Variants in DDX51 observed in about 807,000 individuals in gnomAD.
DDX51 encodes the protein DEAD-box helicase 51.
Under a neutral mutation model 74.6 loss-of-function variants are expected in DDX51, and 67 were observed. The observed-to-expected ratio is 0.90, with a 90% CI of 0.74 to 1.10. DDX51 has a LOEUF of 1.10. Among genes scored for constraint, DDX51 ranks in the 50% least tolerant of loss-of-function variants. DDX51 has a pLI of 0.00. For missense variants in DDX51, 1,056 were observed against 905.2 expected (o/e 1.17, Z -2.14); for synonymous variants, 545 against 402.9 (o/e 1.35, Z -4.22).
rs75801759 is a variant in DDX51, at chr12:132,141,611, A to G, written c.996-5T>C. ...AAGCAGCGGTACCCATCAGCTCTACAGACCAGAGAGCAGCTCGAGAGAAGG... is the reference window on the plus strand; with the variant it reads ...AAGCAGCGGTACCCATCAGCTCTACGGACCAGAGAGCAGCTCGAGAGAAGG... On this transcript the variant is annotated splice_region_variant and splice_polypyrimidine_tract_variant and intron_variant, in intron 6 of 14. Coordinates refer to ENST00000397333, the MANE Select transcript of DDX51 (RefSeq NM_175066.4). 2,149 of 1,571,932 alleles carry G rather than the reference A, an allele frequency of 1.4e-3. 23 individuals carry two copies. The African/African-American group carries it at 0.025, about 18-fold the overall frequency.
Position 132,136,731 on chromosome 12 carries a change from T to C in DDX51, c.*2541A>G, listed in dbSNP as rs1593416223. 6.6e-6 allele frequency: 1 copy of C among 152,156 alleles called. No individual in the cohort carries two copies. The highest frequency in any genetic ancestry group is 2.1e-4 in the South Asian group (1 of 4,822). The allele number at this position is 152,156 out of a possible 1,614,324, so 9.4% of individuals were successfully genotyped here. Reference sequence around the variant, plus strand: ...GCCAGGCTGCAGTGCAGTGGGCTGATCTTGGCCCACTGCAACCTCCACCTC... The same window carrying C: ...GCCAGGCTGCAGTGCAGTGGGCTGACCTTGGCCCACTGCAACCTCCACCTC... On this transcript the variant is annotated 3_prime_UTR_variant, in exon 15 of 15. Coordinates refer to ENST00000397333, the MANE Select transcript of DDX51 (RefSeq NM_175066.4).
At position 132,141,492 on chromosome 12, in the gene DDX51, A is replaced by G. The variant is rs780481452; in HGVS notation, c.1104+6T>C. 1 of 1,586,704 alleles carries G rather than the reference A, an allele frequency of 6.3e-7. No individual in the cohort carries two copies. The highest frequency in any genetic ancestry group is 1.3e-5 in the African/African-American group (1 of 74,608). On this transcript the variant is annotated splice_donor_region_variant and intron_variant, in intron 7 of 14. Transcript: ENST00000397333. ...CAAAGCCCAGGCCCCTGGGGCGGGG[A>G]CCTACCAGGAAGCGGAGCTGCTGGA...
Position 132,137,573 on chromosome 12 carries a change from A to C in DDX51, c.*1699T>G, listed in dbSNP as rs1897298748. On this transcript the variant is annotated 3_prime_UTR_variant, in exon 15 of 15. Transcript: ENST00000397333. Reference sequence around the variant, plus strand: ...CATCTCTAATCAGCTGCCAGTCCCCATCCCAGACATTCTTTGCATCTAAGC... The same window carrying C: ...CATCTCTAATCAGCTGCCAGTCCCCCTCCCAGACATTCTTTGCATCTAAGC... 1 of 152,194 alleles carries C rather than the reference A, an allele frequency of 6.6e-6. No homozygotes were observed. 9.4% of individuals were successfully genotyped at this position (152,194 alleles called of 1,614,324 possible).
chr12:132,143,522 C>G (rs1314688341), intron 2 of DDX51, 173 bp downstream of exon 2: 1 of 838,030 alleles, frequency 1.2e-6, no homozygotes, highest in East Asian at 3.0e-5. Context: ...AACGGGAGCT[C>G]TGCACGTGCA....
At chr12:132,141,193 A>T in intron 8 of DDX51, 82 bp downstream of exon 8, 2 of 1,513,476 alleles carry the variant, frequency 1.3e-6, no homozygotes, top group South Asian at 2.6e-5. Flanking sequence ...AGCCACCCTT[A>T]TCTCTGGGCA....
chr12:132,139,758 G>A lies in DDX51; in HGVS notation c.1851C>T (p.Phe617=), dbSNP rs1287390349. The A allele has an allele frequency of 1.2e-6, 2 of 1,613,218 alleles. No homozygotes were observed. Among genetic ancestry groups the A allele is most frequent in the Admixed American group, 1.7e-5 (1 of 60,034 alleles). The change falls in exon 14 of 15, where the codon TTC becomes TTT. Residue 617 remains phenylalanine (F), a synonymous_variant. Coordinates refer to ENST00000397333, the MANE Select transcript of DDX51 (RefSeq NM_175066.4). ...TLLLKVQERR[F]LRMLTEAGAP... is the part of the protein sequence containing the mutation. ...CCCCAGCTTCAGTTAGCATTCGGAG[G>A]AATCTCCTCTCCTGGAGAGAAGCTC...
intron 14 of DDX51, 163 bp from the exon 15 acceptor site, chr12:132,139,461 C>A: frequency 6.6e-7 from 1 of 1,524,486 alleles, no homozygotes; most frequent in Admixed American, 1.7e-5. Context: ...GTGTTTCCAC[C>A]ACTGGTGCCC....
At chr12:132,143,611 A>C in intron 2 of DDX51, 84 bp downstream of exon 2, 1 of 1,496,410 alleles carries the variant, frequency 6.7e-7, no homozygotes, top group Non-Finnish European at 8.9e-7. Flanking sequence ...CGCTGAACGA[A>C]ATCTTCCGGG....
Position 132,142,104 on chromosome 12 carries a change from C to G in DDX51, c.888+15G>C. On this transcript the variant is annotated intron_variant, in intron 5 of 14. Transcript: ENST00000397333. ...AGGCGGGCGGTGCCACGCTCCAGGT[C>G]TAGGGTCCACATACCTGCTGGGCCA... The G allele has an allele frequency of 6.4e-7, 1 of 1,555,362 alleles. No homozygotes were observed. The highest frequency in any genetic ancestry group is 8.7e-7 in the Non-Finnish European group (1 of 1,151,042).
At position 132,140,386 on chromosome 12, in the gene DDX51, C is replaced by A. The variant is rs781349371; in HGVS notation, c.1673+37G>T. The A allele has an allele frequency of 6.2e-6, 10 of 1,609,736 alleles. No individual in the cohort carries two copies. The South Asian group carries it at 1.1e-4, about 18-fold the overall frequency. On this transcript the variant is annotated intron_variant, in intron 11 of 14. Transcript: ENST00000397333. ...AGGCTGACCCTGGAGTGGGCACCCC[C>A]ACCCCACAGAGGCCTTGCCCCTGCC...
chr12:132,141,858 G>T lies in DDX51; in HGVS notation c.987C>A (p.Val329=). The T allele has an allele frequency of 6.2e-7, 1 of 1,613,100 alleles. No homozygotes were observed. The highest frequency in any genetic ancestry group is 8.5e-7 in the Non-Finnish European group (1 of 1,179,978). Residue 329 remains valine, a synonymous_variant, in exon 6 of 15, where the codon GTC becomes GTA. Coordinates refer to ENST00000397333, the MANE Select transcript of DDX51 (RefSeq NM_175066.4). The stretch of plus-strand genomic sequence containing the variant: ...ACCCTGACACAACCTACGTTTTCTG[G>T]ACGAGGCTCTCCTGCTCCTTGGCCA... ...KSLAKEQESL[V]QKTADGYRCL...
In DDX51 at chr12:132,142,197, G is replaced by A. The variant is rs749348909; in HGVS notation, c.817-7C>T. On this transcript the variant is annotated splice_polypyrimidine_tract_variant and splice_region_variant and intron_variant, in intron 4 of 14. Coordinates refer to ENST00000397333, the MANE Select transcript of DDX51 (RefSeq NM_175066.4). ...CCACTCTCGAAAGCAGGGCCTGAGG[G>A]GGAAGGAGCGCCTGCGTCAGCAAGG... 10 of 1,573,204 alleles carry A rather than the reference G, an allele frequency of 6.4e-6. No individual in the cohort carries two copies. The highest frequency in any genetic ancestry group is 5.4e-5 in the African/African-American group (4 of 73,938).
chr12:132,143,442 C>T, intron 2 of DDX51: 1 of 578,076 alleles, frequency 1.7e-6, no homozygotes, highest in Non-Finnish European at 3.0e-6. Context: ...AAACCCCGCA[C>T]GTTCACGCAA....
intron 8 of DDX51, 106 bp from the exon 9 acceptor site, chr12:132,141,126 A>C: frequency 6.7e-7 from 1 of 1,498,990 alleles, no homozygotes; most frequent in East Asian, 2.3e-5. Flanking sequence ...GCAGACCAGG[A>C]GCAAGGTGGG....
Position 132,141,949 on chromosome 12 carries a change from T to C in DDX51, c.896A>G (p.Lys299Arg), listed in dbSNP as rs1446550883. 5.6e-6 allele frequency: 9 copies of C among 1,612,644 alleles called. No individual in the cohort carries two copies. The highest frequency in any genetic ancestry group is 1.7e-5 in the Admixed American group (1 of 59,962). Residue 299 changes from lysine (K) to arginine (R), a missense_variant, in exon 6 of 15, where the codon AAA becomes AGA. By Grantham distance (26) the Lys-to-Arg change is conservative (BLOSUM62 2). Coordinates refer to ENST00000397333, the MANE Select transcript of DDX51 (RefSeq NM_175066.4). ...PTKELAQQVS[K>R]VFNIYTDATP... is the part of the protein sequence containing the mutation. Reference sequence around the variant, plus strand: ...GGCATCTGTGTAGATGTTGAAAACTTTGCTCACCTGCAGGAGAAGTCTGTC... The same window carrying C: ...GGCATCTGTGTAGATGTTGAAAACTCTGCTCACCTGCAGGAGAAGTCTGTC...
In DDX51 at chr12:132,143,906, C is replaced by G. The variant is rs1565956419; in HGVS notation, c.308G>C (p.Ser103Thr). 2.0e-6 allele frequency: 3 copies of G among 1,518,030 alleles called. No individual in the cohort carries two copies. Among genetic ancestry groups the G allele is most frequent in the Non-Finnish European group, 8.8e-7 (1 of 1,140,580 alleles). The allele number at this position is 1,518,030 out of a possible 1,614,324, so 94.0% of individuals were successfully genotyped here. The change falls in exon 2 of 15, where the codon AGC (serine) becomes ACC (threonine). Residue 103 changes from serine (S) to threonine (T), a missense_variant. Coordinates refer to ENST00000397333, the MANE Select transcript of DDX51 (RefSeq NM_175066.4). Reference sequence around the variant, plus strand: ...GGGCTCCCCTGGCGCCTCCTCGTTGCTTTCTGCGAGGCAGACACCCACCCG... The same window carrying G: ...GGGCTCCCCTGGCGCCTCCTCGTTGGTTTCTGCGAGGCAGACACCCACCCG... ...KADGEDAGAE[S>T]NEEAPGEPSA...
rs1440725045 is a variant in DDX51 at position 132,140,842 on chromosome 12, C to A, written c.1429G>T (p.Val477Phe). 6 of 1,613,592 alleles carry A rather than the reference C, an allele frequency of 3.7e-6. No homozygotes were observed. Among genetic ancestry groups the A allele is most frequent in the African/African-American group, 1.3e-5 (1 of 75,036 alleles). The change falls in exon 9 of 15, where the codon GTT (valine) becomes TTT (phenylalanine). Residue 477 changes from valine (V) to phenylalanine (F), a missense_variant. Physicochemically the swap from Val to Phe is conservative, Grantham distance 50. Coordinates refer to ENST00000397333, the MANE Select transcript of DDX51 (RefSeq NM_175066.4). ...GGTATCCCACTCACCGTGAGCCCAA[C>A]AGGAAAGGCATACTTCCCCGAATCC... Reference protein sequence around the residue: ...DGDSGKYAFPVGLTHHYVPCS... With the variant: ...DGDSGKYAFPFGLTHHYVPCS...
chr12:132,141,510 C>T lies in DDX51; in HGVS notation c.1092G>A (p.Gln364=), dbSNP rs778219137. Residue 364 remains glutamine (Q), a synonymous_variant, in exon 7 of 15, where the codon CAG becomes CAA. Coordinates refer to ENST00000397333, the MANE Select transcript of DDX51 (RefSeq NM_175066.4). The part of the protein sequence containing the change: ...IDQTPGFSLQ[Q]LRFLIIDEAD... ...GGCGGGGACCTACCAGGAAGCGGAG[C>T]TGCTGGAGGCTGAATCCTGGGGTCT... The T allele has an allele frequency of 1.9e-6, 3 of 1,593,546 alleles. No individual in the cohort carries two copies. The highest frequency in any genetic ancestry group is 2.6e-6 in the Non-Finnish European group (3 of 1,172,700).
chr12:132,142,028 C>A, intron 5 of DDX51, 72 bp from the exon 6 acceptor site: 1 of 1,606,216 alleles, frequency 6.2e-7, no homozygotes, highest in Non-Finnish European at 8.5e-7. Flanking sequence ...GACCCCAGAT[C>A]TAATCTGGGT....
Sources: gnomAD v4.1 joint callset for allele counts on GRCh38, gnomAD v4.1.1 for gene constraint, MANE v1.5 for transcripts, NCBI Gene and HGNC (gene_info 2026-07-23, HGNC 2026-07-21) for gene names.